Variants in PRCP observed in about 807,000 individuals in gnomAD.
PRCP encodes lysosomal Pro-X carboxypeptidase.
PRCP carries 46 observed loss-of-function variants against 54.2 expected under a neutral mutation model. That is an observed-to-expected ratio of 0.85 (90% CI 0.67 to 1.09). The LOEUF is 1.09. Ranked by LOEUF, PRCP falls within the 50% of genes least tolerant of loss-of-function variation. The pLI, the probability that PRCP is intolerant of heterozygous loss-of-function variation, is 0.00. For missense variants in PRCP, 613 were observed against 596.8 expected (o/e 1.03, Z -0.28); for synonymous variants, 240 against 212.2 (o/e 1.13, Z -1.14).
At chr11:82,872,766 T>C (rs918321613) in intron 1 of PRCP, among the ~76,000 whole-genome samples, 6 of 152,212 alleles carry the variant, frequency 3.9e-5, no homozygotes, top group Admixed American at 1.3e-4. Flanking sequence ...TTAAGCCTCC[T>C]AGTTTGTGAT....
At chr11:82,879,445 G>T (rs1324402955) in intron 1 of PRCP, among the ~76,000 whole-genome samples, 1 of 152,136 alleles carries the variant, frequency 6.6e-6, no homozygotes, top group East Asian at 1.9e-4. Flanking sequence ...TTTTTTCCAG[G>T]TTGTTAGCTT....
chr11:82,844,040 A>C (rs1169817056), intron 6 of PRCP, among the ~76,000 whole-genome samples: 1 of 152,092 alleles, frequency 6.6e-6, no homozygotes, highest in Non-Finnish European at 1.5e-5. Flanking sequence ...CCAGACGTCA[A>C]CCACAAAGTC....
chr11:82,833,402 C>T (rs1858438801), intron 8 of PRCP, among the ~76,000 whole-genome samples: 1 of 152,214 alleles, frequency 6.6e-6, no homozygotes, highest in Non-Finnish European at 1.5e-5. Flanking sequence ...GGGACCATTT[C>T]ATGCCAGTTA....
In PRCP at chr11:82,850,453, G is replaced by A. The variant is rs1382376172; in HGVS notation, c.464C>T (p.Ala155Val). ...LTSEQALADF[A>V]ELIKHLKRTI... ...TCTTTTCAAGTGTTTGATTAACTCT[G>A]CAAAATCAGCCAGAGCTTGTTCTGA... is the stretch of plus-strand genomic sequence containing the variant. The change falls in exon 4 of 9, where the codon GCA becomes GTA. Residue 155 changes from alanine to valine, a missense_variant. Transcript: ENST00000313010. 2 of 1,600,620 alleles carry A rather than the reference G, an allele frequency of 1.2e-6. No individual in the cohort carries two copies. Among genetic ancestry groups the A allele is most frequent in the Admixed American group, 1.7e-5 (1 of 58,516 alleles).
intron 1 of PRCP, among the ~76,000 whole-genome samples, chr11:82,890,321 G>C (rs1311750877): frequency 6.6e-6 from 1 of 152,142 alleles, no homozygotes; most frequent in Non-Finnish European, 1.5e-5. Flanking sequence ...CTGGGAAAAG[G>C]GAAGCGTTCT....
At chr11:82,894,096 T>A (rs1860063764) in intron 1 of PRCP, among the ~76,000 whole-genome samples, 1 of 151,900 alleles carries the variant, frequency 6.6e-6, no homozygotes, top group Non-Finnish European at 1.5e-5. Context: ...CAGAACCATA[T>A]AAAAAAATAA....
At chr11:82,890,658 G>A (rs1859985325) in intron 1 of PRCP, among the ~76,000 whole-genome samples, 1 of 152,086 alleles carries the variant, frequency 6.6e-6, no homozygotes, top group Non-Finnish European at 1.5e-5. Context: ...TACCACACTC[G>A]TGGTCTCAAT....
chr11:82,900,516 CA>C, upstream of PRCP: 2 of 1,413,004 alleles, frequency 1.4e-6, no homozygotes, highest in Non-Finnish European at 1.9e-6. Flanking sequence ...CAGCTCCTCC[CA>C]GGGGAAACCC....
At chr11:82,850,122 T>G in intron 4 of PRCP, 51 bp from the exon 5 acceptor site, 2 of 844,258 alleles carry the variant, frequency 2.4e-6, no homozygotes, top group Non-Finnish European at 3.2e-6. Flanking sequence ...AAAATATATA[T>G]ATATATTATA....
intron 1 of PRCP, among the ~76,000 whole-genome samples, chr11:82,874,482 G>A (rs986428707): frequency 3.3e-5 from 5 of 152,144 alleles, no homozygotes; most frequent in Admixed American, 1.3e-4. Context: ...CTTGAGCCAA[G>A]GAGTTCGAGA....
chr11:82,850,374 A>G lies in PRCP; in HGVS notation c.543T>C (p.Gly181=). Residue 181 remains glycine (G), a synonymous_variant, in exon 4 of 9, where the codon GGT becomes GGC. Transcript: ENST00000313010. Reference sequence around the variant, plus strand: ...TCCTAAACCAGGCGGCAAGCATGCCACCATAGGAGCCTCCTATGGCAATGA... The same window carrying G: ...TCCTAAACCAGGCGGCAAGCATGCCGCCATAGGAGCCTCCTATGGCAATGA... The part of the protein sequence containing the change: ...QPVIAIGGSY[G]GMLAAWFRMK... The G allele has an allele frequency of 1.3e-6, 2 of 1,589,480 alleles. No individual in the cohort carries two copies. Among genetic ancestry groups the G allele is most frequent in the African/African-American group, 1.4e-5 (1 of 74,036 alleles).
intron 8 of PRCP, among the ~76,000 whole-genome samples, chr11:82,837,707 T>C (rs1858560683): frequency 6.6e-6 from 1 of 152,214 alleles, no homozygotes; most frequent in South Asian, 2.1e-4. Context: ...ATGGAAATTT[T>C]GAAGTCCCAG....
chr11:82,840,297 T>G (rs182777295), intron 6 of PRCP: 1 of 152,198 alleles, frequency 6.6e-6, no homozygotes, highest in Admixed American at 6.5e-5. Flanking sequence ...ATATTCTATA[T>G]CTTAATAGGG....
At chr11:82,859,850 G>T in intron 2 of PRCP, 127 bp downstream of exon 2, 3 of 938,992 alleles carry the variant, frequency 3.2e-6, no homozygotes, top group South Asian at 2.8e-5. Context: ...TAATTTTTTT[G>T]TTATTTTTTA....
chr11:82,889,275 C>T (rs1859942548), intron 1 of PRCP, among the ~76,000 whole-genome samples: 2 of 151,836 alleles, frequency 1.3e-5, no homozygotes, highest in Admixed American at 1.3e-4. Flanking sequence ...GGAGGTTCAC[C>T]TGAGCCCGGG....
intron 1 of PRCP, among the ~76,000 whole-genome samples, chr11:82,881,276 A>T (rs774749722): frequency 7.2e-5 from 11 of 152,210 alleles, no homozygotes; most frequent in Admixed American, 1.3e-4. Flanking sequence ...GACCTGAACC[A>T]TTATGCCCCG....
chr11:82,836,195 G>GAAAAAAAAAAAAA lies in PRCP; in HGVS notation c.1274+2191_1274+2192insTTTTTTTTTTTTT, dbSNP rs767035852. ...GTGACAGAGTGAGACTCCATCTCGA[G>GAAAAAAAAAAAAA]GAAAAAAAAAAAAAAAAAAAAGACA... On this transcript the variant is annotated intron_variant, in intron 8 of 8. Transcript: ENST00000313010. The GAAAAAAAAAAAAA allele has an allele frequency of 7.6e-5, 6 of 79,468 alleles. 2 individuals are homozygous for GAAAAAAAAAAAAA. Among genetic ancestry groups the GAAAAAAAAAAAAA allele is most frequent in the African/African-American group, 1.6e-4 (3 of 18,686 alleles). 4.9% of individuals were successfully genotyped at this position (79,468 alleles called of 1,614,324 possible).
At chr11:82,852,073 T>C (rs992091113) in intron 3 of PRCP, among the ~76,000 whole-genome samples, 1 of 152,198 alleles carries the variant, frequency 6.6e-6, no homozygotes, top group Non-Finnish European at 1.5e-5. Context: ...ACAGTATCAT[T>C]TATAGAAACC....
intron 1 of PRCP, among the ~76,000 whole-genome samples, chr11:82,867,163 A>C (rs1039569548): frequency 1.3e-5 from 2 of 152,232 alleles, no homozygotes; most frequent in African/African-American, 4.8e-5. Flanking sequence ...AAATATGAGA[A>C]GCTATTATAA....
Sources: gnomAD v4.1 joint callset for allele counts (sites outside exome capture counted in the v4.1 genomes callset) on GRCh38, gnomAD v4.1.1 for gene constraint, MANE v1.5 for transcripts, NCBI Gene and HGNC (gene_info 2026-07-23, HGNC 2026-07-21) for gene names.